KIFAP3: variants seen among roughly 807,000 people sequenced by gnomAD.
The protein encoded by KIFAP3 is kinesin associated protein 3, also known as kinesin-associated protein 3.
KIFAP3 carries 68 observed loss-of-function variants against 106.5 expected under a neutral mutation model. That is an observed-to-expected ratio of 0.64 (90% CI 0.53 to 0.78). The LOEUF is 0.78. Among genes scored for constraint, KIFAP3 ranks in the 30% least tolerant of loss-of-function variants. The pLI is 0.00. For missense variants in KIFAP3, 780 were observed against 941.8 expected (o/e 0.83, Z 2.25); for synonymous variants, 320 against 311.5 (o/e 1.03, Z -0.29).
intron 3 of KIFAP3, among the ~76,000 whole-genome samples, chr1:170,045,698 T>C (rs924104316): frequency 3.3e-4 from 50 of 152,196 alleles, no homozygotes; most frequent in African/African-American, 9.4e-4. Context: ...AAACCTGAAT[T>C]CTTCCCTGGC....
intron 15 of KIFAP3, among the ~76,000 whole-genome samples, chr1:169,980,138 G>A (rs1293268953): frequency 6.6e-6 from 1 of 152,060 alleles, no homozygotes; most frequent in Non-Finnish European, 1.5e-5. Flanking sequence ...AGGGAGAAGA[G>A]GCACTTCTAA....
At chr1:169,952,171 A>C (rs1664761989) in intron 19 of KIFAP3, among the ~76,000 whole-genome samples, 1 of 151,978 alleles carries the variant, frequency 6.6e-6, no homozygotes, top group Admixed American at 6.5e-5. Flanking sequence ...TACACAGATG[A>C]AACAATTTTT....
intron 11 of KIFAP3, among the ~76,000 whole-genome samples, chr1:169,991,241 G>A (rs139973297): frequency 6.6e-6 from 1 of 152,036 alleles, no homozygotes; most frequent in Non-Finnish European, 1.5e-5. Flanking sequence ...TAGCTACCCA[G>A]GAGGCTGAGG....
In KIFAP3 at chr1:170,038,391, A is replaced by G; in HGVS notation, c.416T>C (p.Ile139Thr). 1 of 1,607,786 alleles carries G rather than the reference A, an allele frequency of 6.2e-7. No individual in the cohort carries two copies. Among genetic ancestry groups the G allele is most frequent in the Non-Finnish European group, 8.5e-7 (1 of 1,178,082 alleles). ...AGGAATATCTTCATATAATAACTCA[A>G]TATATTCATCCATGTCATTAATGTT... The part of the protein sequence containing the change: ...VANINDMDEY[I>T]ELLYEDIPDK... The change falls in exon 5 of 20, where the codon ATT becomes ACT. Residue 139 changes from isoleucine (I) to threonine (T), a missense_variant. Coordinates refer to ENST00000361580, the MANE Select transcript of KIFAP3 (RefSeq NM_014970.4).
intron 1 of KIFAP3, among the ~76,000 whole-genome samples, chr1:170,060,409 C>T (rs1250547125): frequency 2.0e-5 from 3 of 152,132 alleles, no homozygotes; most frequent in African/African-American, 7.2e-5. Flanking sequence ...ATTCCATTCA[C>T]TATTGCTTCA....
At chr1:170,001,024 C>T (rs2101959935) in intron 10 of KIFAP3, among the ~76,000 whole-genome samples, 1 of 152,164 alleles carries the variant, frequency 6.6e-6, no homozygotes, top group Non-Finnish European at 1.5e-5. Context: ...GAGATAGTCA[C>T]TAAATGAGTA....
chr1:170,052,477 TC>T (rs1441495757), intron 2 of KIFAP3, among the ~76,000 whole-genome samples: 1 of 152,140 alleles, frequency 6.6e-6, no homozygotes, highest in African/African-American at 2.4e-5. Flanking sequence ...AGGGACTCCT[TC>T]CTAACTCATT....
At chr1:169,943,710 C>T (rs150228061) in intron 19 of KIFAP3, among the ~76,000 whole-genome samples, 13 of 152,088 alleles carry the variant, frequency 8.5e-5, no homozygotes, top group African/African-American at 2.9e-4. Flanking sequence ...TAAAGACTTT[C>T]TTTCTTTCCA....
At chr1:170,038,489 GA>G in intron 4 of KIFAP3, 58 bp from the exon 5 acceptor site, 2 of 1,528,512 alleles carry the variant, frequency 1.3e-6, no homozygotes, top group East Asian at 4.7e-5. Context: ...CACTGTCAAA[GA>G]AATGTTATTT....
intron 10 of KIFAP3, among the ~76,000 whole-genome samples, chr1:169,993,567 T>A (rs1311080029): frequency 6.0e-5 from 9 of 151,248 alleles, no homozygotes; most frequent in Non-Finnish European, 1.0e-4. Context: ...GGGTTCAGAA[T>A]TAGAGACAAA....
chr1:170,037,875 T>C (rs1049798924), intron 5 of KIFAP3, among the ~76,000 whole-genome samples: 1 of 152,344 alleles, frequency 6.6e-6, no homozygotes, highest in East Asian at 1.9e-4. Context: ...CAAGTACTTT[T>C]AGTGAAAGGA....
chr1:170,061,946 A>G (rs1671179906), intron 1 of KIFAP3, among the ~76,000 whole-genome samples: 2 of 152,162 alleles, frequency 1.3e-5, no homozygotes, highest in Non-Finnish European at 2.9e-5. Flanking sequence ...TCTCACTCAT[A>G]GGTGGGAATT....
chr1:170,038,754 A>T (rs1463086651), intron 4 of KIFAP3, among the ~76,000 whole-genome samples: 2 of 152,212 alleles, frequency 1.3e-5, no homozygotes, highest in Non-Finnish European at 2.9e-5. Flanking sequence ...GAATATGTAA[A>T]CATTTTTACC....
At chr1:169,990,629 T>C (rs1667046714) in intron 11 of KIFAP3, among the ~76,000 whole-genome samples, 1 of 151,958 alleles carries the variant, frequency 6.6e-6, no homozygotes. Flanking sequence ...TAATAAAGAG[T>C]AATGACATAA....
chr1:170,018,807 A>G (rs1485764593), intron 9 of KIFAP3, among the ~76,000 whole-genome samples: 2 of 152,136 alleles, frequency 1.3e-5, no homozygotes. Context: ...TTAAATTGCT[A>G]AAGTGACAAA....
At position 170,010,084 on chromosome 1, in the gene KIFAP3, T is replaced by C. The variant is rs80129062; in HGVS notation, c.1183+6378A>G. Among the ~76,000 whole-genome samples the C allele has an allele frequency of 2.2e-4, 33 of 152,150 alleles. No individual in the cohort carries two copies. In the East Asian group the frequency reaches 6.4e-3, roughly 29 times the overall value. ...TGTCAAAGTATAGGAATGATAGAAC[T>C]GAAATGATTTATAACTGATACTGAA... is the stretch of plus-strand genomic sequence containing the variant. On this transcript the variant is annotated intron_variant, in intron 10 of 19. Transcript: ENST00000361580.
At position 169,954,169 on chromosome 1, in the gene KIFAP3, C is replaced by T; in HGVS notation, c.2174-59G>A. On this transcript the variant is annotated intron_variant, in intron 18 of 19. Coordinates refer to ENST00000361580, the MANE Select transcript of KIFAP3 (RefSeq NM_014970.4). The stretch of plus-strand genomic sequence containing the variant: ...ATATGTGTAGGAAAAACCTGTCTAT[C>T]AAGCAATACAATAAGAAAATAACTT... The T allele has an allele frequency of 6.5e-6, 6 of 919,798 alleles. No homozygotes were observed. In the South Asian group the frequency reaches 6.7e-5, roughly 10 times the overall value. 57.0% of individuals were successfully genotyped at this position (919,798 alleles called of 1,614,324 possible).
chr1:170,058,703 G>C (rs1332304334), intron 1 of KIFAP3, among the ~76,000 whole-genome samples: 1 of 151,802 alleles, frequency 6.6e-6, no homozygotes, highest in African/African-American at 2.4e-5. Context: ...TTTTAAACTG[G>C]GACAAATGCT....
chr1:170,081,269 C>T (rs1309374065), intron 1 of KIFAP3, among the ~76,000 whole-genome samples: 1 of 152,166 alleles, frequency 6.6e-6, no homozygotes, highest in Non-Finnish European at 1.5e-5. Flanking sequence ...AGATACATCT[C>T]TAGCTAATAA....
Sources: allele counts gnomAD v4.1 joint callset (sites outside exome capture counted in the v4.1 genomes callset), GRCh38; gene constraint gnomAD v4.1.1; transcripts MANE v1.5; gene names NCBI Gene and HGNC (gene_info 2026-07-23, HGNC 2026-07-21).